The following PIGQ variants were observed in gnomAD, a reference collection of about 807,000 sequenced individuals.
PIGQ encodes phosphatidylinositol glycan anchor biosynthesis class Q, also known as phosphatidylinositol N-acetylglucosaminyltransferase subunit Q.
A neutral mutation model predicts 60.3 loss-of-function variants in PIGQ; 54 were observed. That is an observed-to-expected ratio of 0.90 (90% CI 0.72 to 1.12). The LOEUF is 1.12. PIGQ is among the 50% of genes most tolerant of loss of function. The pLI, the probability that PIGQ is intolerant of heterozygous loss-of-function variation, is 0.00. For synonymous variants in PIGQ, 416 were observed against 363.7 expected, an observed-to-expected ratio of 1.14 and a Z score of -1.64; for missense variants, 799 against 793.5, an observed-to-expected ratio of 1.01 and a Z score of -0.08.
intron 9 of PIGQ, chr16:581,479 T>G (rs1028071425): frequency 2.1e-5 from 10 of 483,700 alleles, no homozygotes; most frequent in Non-Finnish European, 2.8e-5. Flanking sequence ...TTTTTTTTTT[T>G]TGAGACGGAG....
In PIGQ at chr16:583,491, C is replaced by A. The variant is rs752733229; in HGVS notation, c.*456C>A. The stretch of plus-strand genomic sequence containing the variant: ...GGATGAACCCCCCAGTCCCAGGCAC[C>A]CTCTAGCTCCCTCAGCCGAACAGCA... On this transcript the variant is annotated 3_prime_UTR_variant, in exon 11 of 11. Coordinates refer to ENST00000321878, the MANE Select transcript of PIGQ (RefSeq NM_004204.5). 4 of 1,612,734 alleles carry A rather than the reference C, an allele frequency of 2.5e-6. No individual in the cohort carries two copies. Among genetic ancestry groups the A allele is most frequent in the Non-Finnish European group, 2.5e-6 (3 of 1,179,920 alleles).
rs573117975 is a variant in PIGQ, at chr16:583,950, G to C, written c.*915G>C. On this transcript the variant is annotated 3_prime_UTR_variant, in exon 11 of 11. Coordinates refer to ENST00000321878, the MANE Select transcript of PIGQ (RefSeq NM_004204.5). Reference sequence around the variant, plus strand: ...CTGTGAGCCCGAGTCCGCTTCAGGAGGGGAGCCTGCAGGTGCCGGCTGGTG... The same window carrying C: ...CTGTGAGCCCGAGTCCGCTTCAGGACGGGAGCCTGCAGGTGCCGGCTGGTG... The C allele has an allele frequency of 1.6e-5, 7 of 437,986 alleles. No individual in the cohort carries two copies. The highest frequency in any genetic ancestry group is 1.2e-4 in the African/African-American group (6 of 49,954). The allele number at this position is 437,986 out of a possible 1,614,324, so 27.1% of individuals were successfully genotyped here.
chr16:582,214 GC>G, intron 9 of PIGQ, 33 bp from the exon 10 acceptor site: 2 of 1,472,526 alleles, frequency 1.4e-6, no homozygotes, highest in Admixed American at 3.7e-5. Flanking sequence ...CAGCCCCCAC[GC>G]GTCCCCTCGT....
At chr16:580,045 T>G (rs2035787548) in intron 7 of PIGQ, 138 bp from the exon 8 acceptor site, 3 of 604,650 alleles carry the variant, frequency 5.0e-6, no homozygotes, top group African/African-American at 3.7e-5. Flanking sequence ...TGGGACTGCT[T>G]CTGAGCAGGC....
intron 1 of PIGQ, chr16:572,451 T>C (rs929656350): frequency 3.1e-5 from 14 of 451,224 alleles, no homozygotes; most frequent in African/African-American, 8.0e-5. Context: ...AGGGGCCTCT[T>C]AAGCCCCAGG....
In PIGQ at chr16:578,472, C is replaced by G. The variant is rs767160386; in HGVS notation, c.1036C>G (p.Arg346Gly). The change falls in exon 5 of 11, where the codon CGC (arginine) becomes GGC (glycine). Residue 346 changes from arginine (R) to glycine (G), a missense_variant. By Grantham distance (125) the Arg-to-Gly change is moderately radical (BLOSUM62 -2). Coordinates refer to ENST00000321878, the MANE Select transcript of PIGQ (RefSeq NM_004204.5). ...MNRALDQVLG[R>G]FFLYHIHLWI... ...CCGTGCACTGGACCAGGTGCTGGGC[C>G]GCTTCTTCCTCTACCACATCCACCT... 9.3e-6 allele frequency: 15 copies of G among 1,612,542 alleles called. No individual in the cohort carries two copies. Among genetic ancestry groups the G allele is most frequent in the Non-Finnish European group, 1.3e-5 (15 of 1,179,872 alleles).
intron 2 of PIGQ, among the ~76,000 whole-genome samples, chr16:575,375 TG>T (rs2035700120): frequency 6.6e-6 from 1 of 152,184 alleles, no homozygotes. Flanking sequence ...CTCATCTGCC[TG>T]GCGGAGGTGC....
Position 574,456 on chromosome 16 carries a change from C to CT in PIGQ, c.383dup (p.Ile129HisfsTer4), listed in dbSNP as rs2035684300. Reference sequence around the variant, plus strand: ...TGCCCCTGGTGAGGACCAGGTCATGCTCATCTTCTATGACCAGCGCCAGGT... The same window carrying CT: ...TGCCCCTGGTGAGGACCAGGTCATGCTTCATCTTCTATGACCAGCGCCAGGT... On this transcript the variant is annotated frameshift_variant, in exon 2 of 11. Coordinates refer to ENST00000321878, the MANE Select transcript of PIGQ (RefSeq NM_004204.5). LOFTEE classifies it high-confidence loss of function. 6.2e-7 allele frequency: 1 copy of CT among 1,610,760 alleles called. No individual in the cohort carries two copies. Among genetic ancestry groups the CT allele is most frequent in the East Asian group, 2.2e-5 (1 of 44,846 alleles).
Position 574,066 on chromosome 16 carries a change from C to T in PIGQ, c.-9C>T, listed in dbSNP as rs1335780062. 1.3e-6 allele frequency: 2 copies of T among 1,584,986 alleles called. No individual in the cohort carries two copies. Among genetic ancestry groups the T allele is most frequent in the Admixed American group, 1.7e-5 (1 of 58,916 alleles). On this transcript the variant is annotated splice_region_variant and 5_prime_UTR_variant, in exon 2 of 11. Transcript: ENST00000321878. The stretch of plus-strand genomic sequence containing the variant: ...CCGAGCCTCTCCTCTTCTCTTCCAG[C>T]CTCCCGGCATGGTGCTCAAGGCCTT...
chr16:580,715 G>A (rs1473111305), intron 8 of PIGQ, 143 bp from the exon 9 acceptor site: 12 of 674,042 alleles, frequency 1.8e-5, no homozygotes, highest in African/African-American at 5.4e-5. Flanking sequence ...GGCAGACTCC[G>A]TGCCCTGCTC....
Position 583,291 on chromosome 16 carries a change from G to C in PIGQ, c.*256G>C. ...TGGGACCCGCTTCCCACCTGCTGCG[G>C]TCACCATGGTGGCGAGCACAGCAAC... On this transcript the variant is annotated 3_prime_UTR_variant, in exon 11 of 11. Transcript: ENST00000321878. 6.2e-7 allele frequency: 1 copy of C among 1,612,882 alleles called. No homozygotes were observed. Among genetic ancestry groups the C allele is most frequent in the Admixed American group, 1.7e-5 (1 of 60,020 alleles).
In PIGQ at chr16:578,941, G is replaced by A. The variant is rs2035766692; in HGVS notation, c.1223+3G>A. On this transcript the variant is annotated splice_donor_region_variant and intron_variant, in intron 6 of 10. Transcript: ENST00000321878. ...TGCTTTTACGTCTATGGAGCCAGGT[G>A]GGCGTGGGCTTCCCCCTCCCCACCG... 3.7e-6 allele frequency: 6 copies of A among 1,609,398 alleles called. No individual in the cohort carries two copies. The highest frequency in any genetic ancestry group is 1.3e-5 in the African/African-American group (1 of 74,814).
rs1346839814 is a variant in PIGQ at position 583,087 on chromosome 16, C to A, written c.*52C>A. The A allele has an allele frequency of 6.2e-7, 1 of 1,612,928 alleles. No individual in the cohort carries two copies. On this transcript the variant is annotated 3_prime_UTR_variant, in exon 11 of 11. Transcript: ENST00000321878. ...CCACACGGCCACAGCCAGCCATCTG[C>A]TCTGCCAGGGTGGCACCAGCTCAGC...
At chr16:582,213 C>A (rs372591774) in intron 9 of PIGQ, 35 bp from the exon 10 acceptor site, 1 of 1,463,056 alleles carries the variant, frequency 6.8e-7, no homozygotes, top group Admixed American at 1.9e-5. Flanking sequence ...CCAGCCCCCA[C>A]GCGTCCCCTC....
chr16:574,699 T>G lies in PIGQ; in HGVS notation c.625T>G (p.Ser209Ala), dbSNP rs548178683. ...SILAELARRA[S>A]GPICLLLASL... is the part of the protein sequence containing the mutation. The stretch of plus-strand genomic sequence containing the variant: ...CCTCGCGGAGCTGGCCAGGCGAGCC[T>G]CGGGACCCATTTGCCTGCTGTTGGC... The change falls in exon 2 of 11, where the codon TCG becomes GCG. Residue 209 changes from serine (S) to alanine (A), a missense_variant. Transcript: ENST00000321878. 1.9e-6 allele frequency: 3 copies of G among 1,599,588 alleles called. No individual in the cohort carries two copies. The Admixed American group carries it at 5.0e-5, about 27-fold the overall frequency.
At chr16:570,334 A>C (rs1207293999) in intron 1 of PIGQ, 5 of 152,322 alleles carry the variant, frequency 3.3e-5, no homozygotes, top group Non-Finnish European at 7.3e-5. Flanking sequence ...GGAAAGGGCA[A>C]AAAACGGAAT....
intron 9 of PIGQ, chr16:581,183 C>A: frequency 6.9e-7 from 1 of 1,441,146 alleles, no homozygotes; most frequent in Non-Finnish European, 9.2e-7. Flanking sequence ...GACTCAGAGA[C>A]TCACCTGCCG....
At chr16:577,402 C>A (rs1020726999) in intron 4 of PIGQ, among the ~76,000 whole-genome samples, 5 of 151,800 alleles carry the variant, frequency 3.3e-5, no homozygotes, top group Non-Finnish European at 5.9e-5. Flanking sequence ...ACAGTGAAAT[C>A]CCGTCTCTAC....
chr16:580,105 A>T (rs1567177231), intron 7 of PIGQ, 78 bp from the exon 8 acceptor site: 1 of 1,097,110 alleles, frequency 9.1e-7, no homozygotes. Flanking sequence ...CAGCTCCGGG[A>T]TGGGGGAGGG....
Sources: gnomAD v4.1 joint callset for allele counts (sites outside exome capture counted in the v4.1 genomes callset) on GRCh38, gnomAD v4.1.1 for gene constraint, MANE v1.5 for transcripts, NCBI Gene and HGNC (gene_info 2026-07-23, HGNC 2026-07-21) for gene names.